Variants in MCM7 observed in about 807,000 individuals in gnomAD.
MCM7 encodes the protein minichromosome maintenance complex component 7, also known as DNA replication licensing factor MCM7.
Under a neutral mutation model 83.5 loss-of-function variants are expected in MCM7, and 95 were observed. The observed-to-expected ratio is 1.14, with a 90% CI of 0.96 to 1.35. MCM7 has a LOEUF of 1.35. MCM7 is among the 40% of genes most tolerant of loss of function. The pLI, the probability that MCM7 is intolerant of heterozygous loss-of-function variation, is 0.00. For synonymous variants in MCM7, 461 were observed against 352.7 expected, an observed-to-expected ratio of 1.31 and a Z score of -3.44; for missense variants, 1,087 against 957.4, an observed-to-expected ratio of 1.14 and a Z score of -1.79.
At chr7:100,098,490 C>T (rs903374865) in intron 6 of MCM7, 88 bp downstream of exon 6, 1 of 1,581,240 alleles carries the variant, frequency 6.3e-7, no homozygotes. Flanking sequence ...CTCTTTTGTT[C>T]TTCTTTCTTC....
rs766410639 is a variant in MCM7 at position 100,099,203 on chromosome 7, A to C, written c.402T>G (p.Phe134Leu). Residue 134 changes from phenylalanine to leucine, a missense_variant and splice_region_variant, in exon 5 of 15, where the codon TTT (phenylalanine) becomes TTG (leucine). Physicochemically the swap from Phe to Leu is conservative, Grantham distance 22. Coordinates refer to ENST00000303887, the MANE Select transcript of MCM7 (RefSeq NM_005916.5). ...TGCTAGGGCCTTGAAAATACAGCTC[A>C]CTAAGGGGAGAAAACAGTCACAAAC... ...NQYPAELMRRFELYFQGPSSN... is the reference protein window; with the variant it reads ...NQYPAELMRRLELYFQGPSSN... 124 of 1,613,920 alleles carry C rather than the reference A, an allele frequency of 7.7e-5. 2 individuals carry two copies. In the Admixed American group the frequency reaches 2.1e-3, roughly 27 times the overall value.
chr7:100,094,112 G>A (rs555752450), intron 13 of MCM7, 61 bp downstream of exon 13: 76 of 1,601,668 alleles, frequency 4.7e-5, no homozygotes, highest in Middle Eastern at 1.7e-4. Flanking sequence ...ATGAGAGCAC[G>A]GTAAGGAGCT....
intron 3 of MCM7, 69 bp from the exon 4 acceptor site, chr7:100,099,472 A>G: frequency 6.3e-7 from 1 of 1,586,766 alleles, no homozygotes; most frequent in Non-Finnish European, 8.6e-7. Flanking sequence ...CACAGAGAAC[A>G]CCAGGCAGAA....
At chr7:100,095,362 G>C (rs1795567822) in intron 12 of MCM7, 25 bp downstream of exon 12, 2 of 1,601,874 alleles carry the variant, frequency 1.2e-6, no homozygotes, top group Admixed American at 3.4e-5. Context: ...GCCAACGTTT[G>C]CCCACCCGCA....
intron 1 of MCM7, 163 bp downstream of exon 1, chr7:100,101,101 C>T (rs1795996369): frequency 4.7e-6 from 4 of 851,784 alleles, no homozygotes; most frequent in Non-Finnish European, 7.2e-6. Context: ...GCACGCTTCC[C>T]AGGCCCCGTG....
chr7:100,099,341 A>C lies in MCM7; in HGVS notation c.339T>G (p.Ser113Arg). The change falls in exon 4 of 15, where the codon AGT becomes AGG. Residue 113 changes from serine (S) to arginine (R), a missense_variant. Ser to Arg is a moderately radical substitution (Grantham distance 110, BLOSUM62 -1). Transcript: ENST00000303887. ...IEHRLMMEQR[S>R]RDPGMVRSPQ... ...GGCTTCGGACCATCCCAGGGTCCCG[A>C]CTCCGCTGCTCCATCATTAGCCGAT... 6.2e-7 allele frequency: 1 copy of C among 1,611,194 alleles called. No homozygotes were observed. Among genetic ancestry groups the C allele is most frequent in the Non-Finnish European group, 8.5e-7 (1 of 1,179,690 alleles).
rs746378111 is a variant in MCM7, at chr7:100,099,728, A to G, written c.137T>C (p.Val46Ala). 3.0e-5 allele frequency: 49 copies of G among 1,613,974 alleles called. No individual in the cohort carries two copies. The highest frequency in any genetic ancestry group is 4.0e-5 in the Non-Finnish European group (47 of 1,180,028). ...GTCGTCCAGGTCCACATACAGAGCC[A>G]CCTGTTCCCGATGAGCCAGCCGAAC... Reference protein sequence around the residue: ...QLVRLAHREQVALYVDLDDVA... With the variant: ...QLVRLAHREQAALYVDLDDVA... Residue 46 changes from valine to alanine, a missense_variant, in exon 3 of 15, where the codon GTG (valine) becomes GCG (alanine). Val to Ala is a moderately conservative substitution (Grantham distance 64). Coordinates refer to ENST00000303887, the MANE Select transcript of MCM7 (RefSeq NM_005916.5).
intron 5 of MCM7, 109 bp downstream of exon 5, chr7:100,098,914 C>T (rs866006283): frequency 6.7e-7 from 1 of 1,482,374 alleles, no homozygotes; most frequent in Non-Finnish European, 9.2e-7. Context: ...AAGGCGAACA[C>T]ACAGGCAACT....
rs1180646503 is a variant in MCM7 at position 100,092,988 on chromosome 7, C to T, written c.2104G>A (p.Glu702Lys). The T allele has an allele frequency of 1.9e-6, 3 of 1,614,110 alleles. No individual in the cohort carries two copies. Among genetic ancestry groups the T allele is most frequent in the Non-Finnish European group, 2.5e-6 (3 of 1,180,052 alleles). ...AQFQAALDEY[E>K]ELNVWQVNAS... ...TTGACCTGCCAGACATTGAGCTCCT[C>T]ATATTCATCCAGAGCCGCCTGGAAC... Residue 702 changes from glutamate (E) to lysine (K), a missense_variant, in exon 15 of 15, where the codon GAG becomes AAG. By Grantham distance (56) the Glu-to-Lys change is moderately conservative (BLOSUM62 1). Transcript: ENST00000303887.
intron 13 of MCM7, chr7:100,093,648 C>G (rs751546118): frequency 1.4e-6 from 1 of 739,774 alleles, no homozygotes; most frequent in Non-Finnish European, 2.6e-6. Flanking sequence ...CTGGCCAGTC[C>G]CGGAGTTCAG....
chr7:100,098,384 C>A, intron 6 of MCM7, 94 bp from the exon 7 acceptor site: 1 of 1,523,250 alleles, frequency 6.6e-7, no homozygotes, highest in Non-Finnish European at 8.9e-7. Flanking sequence ...CCAGGCTACC[C>A]AGCCACAGAC....
intron 1 of MCM7, chr7:100,100,509 G>C (rs1795926393): frequency 2.0e-6 from 2 of 989,846 alleles, no homozygotes; most frequent in Middle Eastern, 1.0e-3. Flanking sequence ...CCCCGCTCCC[G>C]CCATCGCTTC....
At chr7:100,098,075 T>C (rs751612632) in intron 7 of MCM7, 66 bp downstream of exon 7, 61 of 1,592,918 alleles carry the variant, frequency 3.8e-5, no homozygotes, top group Non-Finnish European at 5.1e-5. Context: ...CTTTTCTCTG[T>C]GTGGGTAGAA....
chr7:100,099,348 T>C lies in MCM7; in HGVS notation c.332A>G (p.Gln111Arg), dbSNP rs1309860432. The C allele has an allele frequency of 1.2e-6, 2 of 1,612,572 alleles. No homozygotes were observed. Among genetic ancestry groups the C allele is most frequent in the South Asian group, 1.1e-5 (1 of 91,024 alleles). ...VYIEHRLMME[Q>R]RSRDPGMVRS... ...GACCATCCCAGGGTCCCGACTCCGC[T>C]GCTCCATCATTAGCCGATGCTCAAT... is the stretch of plus-strand genomic sequence containing the variant. The change falls in exon 4 of 15, where the codon CAG (glutamine) becomes CGG (arginine). Residue 111 changes from glutamine (Q) to arginine (R), a missense_variant. Gln to Arg is a conservative substitution (Grantham distance 43, BLOSUM62 1). Coordinates refer to ENST00000303887, the MANE Select transcript of MCM7 (RefSeq NM_005916.5).
rs1419154542 is a variant in MCM7, at chr7:100,096,170, G to A, written c.1202-3C>T. 1 of 1,557,108 alleles carries A rather than the reference G, an allele frequency of 6.4e-7. No homozygotes were observed. Among genetic ancestry groups the A allele is most frequent in the Non-Finnish European group, 8.7e-7 (1 of 1,153,272 alleles). ...GCCCCGGCCTGTTGTGTACTGGCCT[G>A]GAAGAGAAGAAATAAGGAACCATGA... On this transcript the variant is annotated splice_region_variant and splice_polypyrimidine_tract_variant and intron_variant, in intron 10 of 14. Coordinates refer to ENST00000303887, the MANE Select transcript of MCM7 (RefSeq NM_005916.5).
At chr7:100,098,986 T>TG (rs779286549) in intron 5 of MCM7, 37 bp downstream of exon 5, 1 of 1,610,862 alleles carries the variant, frequency 6.2e-7, no homozygotes, top group Non-Finnish European at 8.5e-7. Context: ...AAACAACTAA[T>TG]GGGTAAGTGC....
In MCM7 at chr7:100,097,599, C is replaced by G. The variant is rs936528448; in HGVS notation, c.1117+15G>C. Reference sequence around the variant, plus strand: ...GACTTCATCCACCCTGAGCCTCTCCCTTGTTTCTTCTTACCCCGGATTTTC... The same window carrying G: ...GACTTCATCCACCCTGAGCCTCTCCGTTGTTTCTTCTTACCCCGGATTTTC... On this transcript the variant is annotated intron_variant, in intron 9 of 14. Coordinates refer to ENST00000303887, the MANE Select transcript of MCM7 (RefSeq NM_005916.5). 1 of 1,613,264 alleles carries G rather than the reference C, an allele frequency of 6.2e-7. No homozygotes were observed. The highest frequency in any genetic ancestry group is 2.2e-5 in the East Asian group (1 of 44,894).
rs777542319 is a variant in MCM7, at chr7:100,093,031, A to G, written c.2061T>C (p.Arg687=). 1 of 1,614,244 alleles carries G rather than the reference A, an allele frequency of 6.2e-7. No individual in the cohort carries two copies. Among genetic ancestry groups the G allele is most frequent in the South Asian group, 1.1e-5 (1 of 91,088 alleles). The change falls in exon 15 of 15, where the codon CGT becomes CGC. Residue 687 remains arginine, a synonymous_variant. Coordinates refer to ENST00000303887, the MANE Select transcript of MCM7 (RefSeq NM_005916.5). ...FSEAEQRCVS[R]GFTPAQFQAA... is the part of the protein sequence containing the mutation. ...CCTGGAACTGGGCGGGTGTGAAGCC[A>G]CGAGATACACAGCGCTGCTCTGCCT... is the stretch of plus-strand genomic sequence containing the variant.
At chr7:100,099,851 T>C in intron 2 of MCM7, 98 bp from the exon 3 acceptor site, 1 of 1,527,992 alleles carries the variant, frequency 6.5e-7, no homozygotes, top group Non-Finnish European at 9.0e-7. Context: ...CAGCACAGGC[T>C]CTGGGCATCC....
Sources: allele counts gnomAD v4.1 joint callset, GRCh38; gene constraint gnomAD v4.1.1; transcripts MANE v1.5; gene names NCBI Gene and HGNC (gene_info 2026-07-23, HGNC 2026-07-21).